SMIM36: variants seen among roughly 807,000 people sequenced by gnomAD.
The protein encoded by SMIM36 is small integral membrane protein 36.
At chr17:55,516,935 C>T in the SMIM36 span, among the ~76,000 whole-genome samples, 1 of 152,064 alleles carries the variant, frequency 6.6e-6, no homozygotes, top group African/African-American at 2.4e-5. Flanking sequence ...GTTAGTGTGT[C>T]CCTGAGAAGA....
chr17:55,481,889 GT>G (rs1405425904), intron 1 of SMIM36, among the ~76,000 whole-genome samples: 3 of 152,118 alleles, frequency 2.0e-5, no homozygotes, highest in Admixed American at 2.0e-4. Context: ...TAGAAATGAG[GT>G]TCCACTATGT....
At chr17:55,490,476 A>C (rs1167683201) in intron 1 of SMIM36, among the ~76,000 whole-genome samples, 1 of 152,200 alleles carries the variant, frequency 6.6e-6, no homozygotes, top group Admixed American at 6.5e-5. Flanking sequence ...TCTAAAGAAT[A>C]ATTTTAACTC....
At chr17:55,492,158 C>CA (rs112417272) in intron 1 of SMIM36, among the ~76,000 whole-genome samples, 82 of 128,180 alleles carry the variant, frequency 6.4e-4, no homozygotes, top group Middle Eastern at 4.7e-3. Flanking sequence ...GAAACCATCT[C>CA]AAAAAAAAAA....
At chr17:55,498,185 T>C (rs564795818) in intron 1 of SMIM36, among the ~76,000 whole-genome samples, 1 of 152,342 alleles carries the variant, frequency 6.6e-6, no homozygotes, top group African/African-American at 2.4e-5. Context: ...CACAGTCCTA[T>C]TGGATTAGGG....
At chr17:55,466,899 T>C (rs942011462) in intron 4 of SMIM36, among the ~76,000 whole-genome samples, 1 of 152,210 alleles carries the variant, frequency 6.6e-6, no homozygotes, top group African/African-American at 2.4e-5. Flanking sequence ...TTTGTTTTTA[T>C]CTCAAGGCTA....
At chr17:55,475,702 G>A (rs1265839957) in intron 3 of SMIM36, among the ~76,000 whole-genome samples, 4 of 152,034 alleles carry the variant, frequency 2.6e-5, no homozygotes, top group South Asian at 2.1e-4. Flanking sequence ...AACCCCCTTG[G>A]GCACTCTCTA....
chr17:55,476,321 C>T (rs894424465), intron 3 of SMIM36, among the ~76,000 whole-genome samples: 1 of 152,184 alleles, frequency 6.6e-6, no homozygotes, highest in Non-Finnish European at 1.5e-5. Flanking sequence ...CCTTGTGACC[C>T]CTACCCCTGC....
intron 4 of SMIM36, among the ~76,000 whole-genome samples, chr17:55,459,230 C>G (rs939836048): frequency 6.6e-5 from 10 of 152,312 alleles, no homozygotes; most frequent in African/African-American, 2.4e-4. Context: ...GAAGTTGACT[C>G]ACACCATTGA....
At chr17:55,494,841 A>G (rs887887592) in intron 1 of SMIM36, among the ~76,000 whole-genome samples, 1 of 152,156 alleles carries the variant, frequency 6.6e-6, no homozygotes, top group Non-Finnish European at 1.5e-5. Flanking sequence ...TACTAAAATT[A>G]TCTTCACTGA....
the SMIM36 span, among the ~76,000 whole-genome samples, chr17:55,529,377 C>T: frequency 6.6e-6 from 1 of 152,170 alleles, no homozygotes; most frequent in African/African-American, 2.4e-5. Context: ...AATCCCAACA[C>T]TTTGGGAGGC....
chr17:55,502,799 C>T (rs1423570696), intron 1 of SMIM36, among the ~76,000 whole-genome samples: 1 of 96,182 alleles, frequency 1.0e-5, no homozygotes, highest in Non-Finnish European at 2.0e-5. Context: ...ACATTCAAAC[C>T]AAAGGCAAAG....
exon 5 of SMIM36, chr17:55,450,052 G>A (rs1908879496): frequency 6.6e-6 from 1 of 152,160 alleles, no homozygotes; most frequent in Admixed American, 6.5e-5. Flanking sequence ...TTGACAGTAG[G>A]AGTTTTTCCT....
At chr17:55,512,017 C>G (rs1049879431), upstream of SMIM36, among the ~76,000 whole-genome samples, 2 of 152,106 alleles carry the variant, frequency 1.3e-5, no homozygotes, top group Non-Finnish European at 2.9e-5. Flanking sequence ...GGAAAGATAG[C>G]CTTTAAACAG....
At chr17:55,499,623 A>G (rs1183851649) in intron 1 of SMIM36, among the ~76,000 whole-genome samples, 1 of 152,178 alleles carries the variant, frequency 6.6e-6, no homozygotes, top group Non-Finnish European at 1.5e-5. Context: ...TCCTTCCCAA[A>G]GCTATCATCC....
chr17:55,511,283 C>G (rs1910178308), exon 1 of SMIM36: 2 of 398,544 alleles, frequency 5.0e-6, no homozygotes, highest in African/African-American at 4.1e-5. Context: ...TAGCTCGCAA[C>G]TAGGATGATC....
At chr17:55,490,830 A>G (rs1323031073) in intron 1 of SMIM36, among the ~76,000 whole-genome samples, 1 of 152,216 alleles carries the variant, frequency 6.6e-6, no homozygotes, top group African/African-American at 2.4e-5. Flanking sequence ...AACAGCAGAA[A>G]ATACAACAAA....
chr17:55,485,473 C>T (rs568494935), intron 1 of SMIM36, among the ~76,000 whole-genome samples: 9 of 144,036 alleles, frequency 6.2e-5, no homozygotes, highest in African/African-American at 2.3e-4. Context: ...TTTTCCTGTA[C>T]AGATGAAGTC....
At chr17:55,522,062 A>T in the SMIM36 span, among the ~76,000 whole-genome samples, 1 of 152,292 alleles carries the variant, frequency 6.6e-6, no homozygotes, top group South Asian at 2.1e-4. Context: ...AAAAGCCAGC[A>T]TTCTTACACG....
At chr17:55,467,680 G>C (rs1399298913) in intron 3 of SMIM36, among the ~76,000 whole-genome samples, 2 of 152,180 alleles carry the variant, frequency 1.3e-5, no homozygotes, top group African/African-American at 4.8e-5. Context: ...GCAGGCGTGA[G>C]CCACCGCACT....
Sources: allele counts gnomAD v4.1 joint callset (sites outside exome capture counted in the v4.1 genomes callset), GRCh38; gene constraint gnomAD v4.1.1; transcripts MANE v1.5; gene names NCBI Gene and HGNC (gene_info 2026-07-23, HGNC 2026-07-21).